TRAK1: variants seen among roughly 807,000 people sequenced by gnomAD.
TRAK1 encodes the protein trafficking kinesin-binding protein 1.
TRAK1 carries 33 observed loss-of-function variants against 92.1 expected under a neutral mutation model. That is an observed-to-expected ratio of 0.36 (90% CI 0.27 to 0.48). TRAK1 has a LOEUF of 0.48. TRAK1 is among the 20% of genes least tolerant of loss of function. The pLI, the probability that TRAK1 is intolerant of heterozygous loss-of-function variation, is 0.99. For missense variants in TRAK1, 1,123 were observed against 1,257.9 expected (o/e 0.89, Z 1.62); for synonymous variants, 521 against 517.3 (o/e 1.01, Z -0.10).
chr3:42,182,361 G>T (rs115288245), intron 3 of TRAK1, among the ~76,000 whole-genome samples: 7,749 of 151,212 alleles, frequency 0.051, 244 homozygotes, highest in Middle Eastern at 0.086. Context: ...CTGTAGTGCA[G>T]TGGGGTGAGT....
chr3:42,113,905 T>C (rs1000194490), intron 1 of TRAK1, among the ~76,000 whole-genome samples: 2 of 152,160 alleles, frequency 1.3e-5, no homozygotes, highest in African/African-American at 4.8e-5. Context: ...ACATTCAAAA[T>C]GTGCACCCAT....
chr3:42,013,359 A>G (rs1701381386), upstream of TRAK1, among the ~76,000 whole-genome samples: 2 of 152,120 alleles, frequency 1.3e-5, no homozygotes, highest in African/African-American at 4.8e-5. This position sits in a 1 kb window ranked among gnomAD's most constrained non-coding sequence, Gnocchi z 5.1. Context: ...GACCCCGAGA[A>G]GTGCTAGAAG....
At chr3:42,041,303 G>A (rs895982647) in intron 1 of TRAK1, among the ~76,000 whole-genome samples, 1 of 151,736 alleles carries the variant, frequency 6.6e-6, no homozygotes, top group Admixed American at 6.6e-5. Flanking sequence ...CATTGTTTGT[G>A]GTTTTAGGTT....
chr3:42,187,126 T>C (rs567406805), intron 4 of TRAK1, among the ~76,000 whole-genome samples: 22 of 152,318 alleles, frequency 1.4e-4, no homozygotes, highest in Admixed American at 7.2e-4. Flanking sequence ...CATTCCCTGA[T>C]GGTTGGCTCT....
At chr3:42,044,795 G>A (rs1438008330) in intron 1 of TRAK1, among the ~76,000 whole-genome samples, 3 of 152,208 alleles carry the variant, frequency 2.0e-5, no homozygotes, top group Middle Eastern at 3.4e-3. Flanking sequence ...AAACAGCCAC[G>A]AGTCTGCTGC....
intron 1 of TRAK1, among the ~76,000 whole-genome samples, chr3:42,112,746 A>AAAC (rs1263415023): frequency 3.1e-5 from 4 of 131,002 alleles, no homozygotes; most frequent in Non-Finnish European, 6.7e-5. Context: ...AAAAAAAAAA[A>AAAC]AAAAAAAAAA....
At chr3:42,190,743 G>C (rs1431265151) in intron 6 of TRAK1, among the ~76,000 whole-genome samples, 1 of 151,512 alleles carries the variant, frequency 6.6e-6, no homozygotes, top group African/African-American at 2.4e-5. Flanking sequence ...TTGCTTGCTT[G>C]CTTTGCCTCT....
In TRAK1 at chr3:42,048,260, ATAACT is replaced by A. The variant is rs768090065; in HGVS notation, c.-519+34145_-519+34149del. Among the ~76,000 whole-genome samples the A allele has an allele frequency of 5.1e-4, 77 of 152,250 alleles. 1 individual carries two copies. Among genetic ancestry groups the A allele is most frequent in the Non-Finnish European group, 1.1e-3 (72 of 68,016 alleles). The stretch of plus-strand genomic sequence containing the variant: ...CTGTAGAGTTTACCACGGGTCTGAA[ATAACT>A]TTACTTTTGTGCATACTCACAGTGC... On this transcript the variant is annotated intron_variant, in intron 1 of 16. Transcript: ENST00000487159.
At chr3:42,070,302 A>G (rs891834626) in intron 1 of TRAK1, among the ~76,000 whole-genome samples, 5 of 148,432 alleles carry the variant, frequency 3.4e-5, no homozygotes, top group African/African-American at 1.2e-4. Flanking sequence ...TTAATTATAA[A>G]TAATTAATAT....
At chr3:42,096,722 G>C (rs1046055873) in intron 1 of TRAK1, among the ~76,000 whole-genome samples, 3 of 152,216 alleles carry the variant, frequency 2.0e-5, no homozygotes, top group African/African-American at 4.8e-5. Flanking sequence ...TGCTGTGAAG[G>C]GGGCAGCCAC....
chr3:42,127,433 G>C (rs1710731513), intron 2 of TRAK1, among the ~76,000 whole-genome samples: 1 of 149,522 alleles, frequency 6.7e-6, no homozygotes, highest in African/African-American at 2.5e-5. Flanking sequence ...GCTTACTGCA[G>C]CTTTGACTTC....
intron 1 of TRAK1, among the ~76,000 whole-genome samples, chr3:42,063,557 A>G (rs1287185523): frequency 6.6e-6 from 1 of 152,068 alleles, no homozygotes; most frequent in African/African-American, 2.4e-5. Flanking sequence ...CTGGTGGGAC[A>G]CGCCTGTAGC....
chr3:42,127,347 C>CT (rs71741232), intron 2 of TRAK1, among the ~76,000 whole-genome samples: 7,889 of 127,782 alleles, frequency 0.062, 305 homozygotes, highest in African/African-American at 0.1. Context: ...CATTCATACA[C>CT]TTTTTTTTTT....
intron 9 of TRAK1, among the ~76,000 whole-genome samples, chr3:42,194,229 G>T (rs1322647008): frequency 6.6e-6 from 1 of 152,038 alleles, no homozygotes; most frequent in Non-Finnish European, 1.5e-5. Context: ...TGGGTGTGAC[G>T]ATTTTCTTTT....
chr3:42,080,835 C>A (rs1325025091), intron 1 of TRAK1, among the ~76,000 whole-genome samples: 1 of 152,130 alleles, frequency 6.6e-6, no homozygotes, highest in Non-Finnish European at 1.5e-5. Context: ...GTCTCCTGAT[C>A]CTTGAATTGT....
chr3:42,059,541 G>T (rs909611672), intron 1 of TRAK1, among the ~76,000 whole-genome samples: 5 of 152,038 alleles, frequency 3.3e-5, no homozygotes, highest in Non-Finnish European at 7.4e-5. Flanking sequence ...GCAGGCCTCG[G>T]GGATTTCCTT....
intron 13 of TRAK1, among the ~76,000 whole-genome samples, chr3:42,209,117 T>C (rs1708665383): frequency 6.6e-6 from 1 of 152,190 alleles, no homozygotes; most frequent in East Asian, 1.9e-4. Flanking sequence ...CTTACTATGT[T>C]CTTAAATCAC....
intron 1 of TRAK1, among the ~76,000 whole-genome samples, chr3:42,075,562 A>G (rs1704119675): frequency 6.6e-6 from 1 of 152,188 alleles, no homozygotes; most frequent in Admixed American, 6.5e-5. Context: ...ATAAATCTCC[A>G]GACTGCTTTC....
intron 1 of TRAK1, among the ~76,000 whole-genome samples, chr3:42,122,776 A>G (rs1006994842): frequency 1.3e-5 from 2 of 152,136 alleles, no homozygotes; most frequent in African/African-American, 2.4e-5. Context: ...AGGTTGGGCT[A>G]TTGCTCTGCC....
Sources: allele counts gnomAD v4.1 joint callset (sites outside exome capture counted in the v4.1 genomes callset), GRCh38; gene constraint gnomAD v4.1.1; non-coding constraint Gnocchi (gnomAD v3.1); transcripts MANE v1.5; gene names NCBI Gene and HGNC (gene_info 2026-07-23, HGNC 2026-07-21).